The following CCSER1 variants were observed in gnomAD, a reference collection of about 807,000 sequenced individuals.
The protein encoded by CCSER1 is serine-rich coiled-coil domain-containing protein 1.
Under a neutral mutation model 82.0 loss-of-function variants are expected in CCSER1, and 41 were observed. That is an observed-to-expected ratio of 0.50 (90% CI 0.39 to 0.65). The LOEUF is 0.65. Ranked by LOEUF, CCSER1 falls within the 30% of genes least tolerant of loss-of-function variation. The pLI, the probability that CCSER1 is intolerant of heterozygous loss-of-function variation, is 0.00. For missense variants in CCSER1, 1,119 were observed against 1,064.2 expected, an observed-to-expected ratio of 1.05 and a Z score of -0.72; for synonymous variants, 414 against 383.9, an observed-to-expected ratio of 1.08 and a Z score of -0.92.
chr4:90,618,839 T>TA (rs939886349), intron 5 of CCSER1, among the ~76,000 whole-genome samples: 1 of 151,752 alleles, frequency 6.6e-6, no homozygotes, highest in Non-Finnish European at 1.5e-5. Flanking sequence ...GTTTGTGACT[T>TA]AAAAAAAGCC....
rs148904006 is a variant in CCSER1, at chr4:91,524,131, T to C, written c.2218-74441T>C. On this transcript the variant is annotated intron_variant, in intron 10 of 10. Transcript: ENST00000509176. ...TCATCCACTTGGTAATTTGTTTAAA[T>C]TGAGTTTCACCTCAAGGTCATATGT... is the stretch of plus-strand genomic sequence containing the variant. 3.6e-4 allele frequency among the ~76,000 whole-genome samples: 55 copies of C among 152,314 alleles called. No individual in the cohort carries two copies. In the East Asian group the frequency reaches 0.011, roughly 29 times the overall value.
rs113999317 is a variant in CCSER1 at position 91,533,867 on chromosome 4, T to C, written c.2218-64705T>C. Reference sequence around the variant, plus strand: ...TATCATGGTTGTTTTTACTGTAACATTGAAATTTTAAAGGGGTTCTTAGTA... The same window carrying C: ...TATCATGGTTGTTTTTACTGTAACACTGAAATTTTAAAGGGGTTCTTAGTA... On this transcript the variant is annotated intron_variant, in intron 10 of 10. Coordinates refer to ENST00000509176, the MANE Select transcript of CCSER1 (RefSeq NM_001145065.2). 1.8e-3 allele frequency among the ~76,000 whole-genome samples: 268 copies of C among 152,194 alleles called. 3 individuals are homozygous for C. Among genetic ancestry groups the C allele is most frequent in the African/African-American group, 5.9e-3 (246 of 41,566 alleles).
chr4:90,753,465 A>C (rs1749031501), intron 7 of CCSER1, among the ~76,000 whole-genome samples: 1 of 152,146 alleles, frequency 6.6e-6, no homozygotes, highest in Admixed American at 6.6e-5. Flanking sequence ...GAAAAAGAAT[A>C]GAAATTCATA....
intron 10 of CCSER1, among the ~76,000 whole-genome samples, chr4:91,388,254 C>T (rs990343087): frequency 9.2e-5 from 14 of 151,772 alleles, no homozygotes; most frequent in African/African-American, 3.2e-4. Flanking sequence ...GATCAGAGAT[C>T]CCCTTTGTTA....
intron 3 of CCSER1, among the ~76,000 whole-genome samples, chr4:90,376,931 G>A (rs564623666): frequency 6.6e-6 from 1 of 152,248 alleles, no homozygotes; most frequent in South Asian, 2.1e-4. Context: ...CAGCAGGTAT[G>A]GTTACTGCCA....
chr4:90,140,575 A>G (rs1160631923), intron 1 of CCSER1, among the ~76,000 whole-genome samples: 1 of 151,926 alleles, frequency 6.6e-6, no homozygotes, highest in Non-Finnish European at 1.5e-5. Context: ...GTGTACGTAC[A>G]CATGTACACA....
intron 5 of CCSER1, among the ~76,000 whole-genome samples, chr4:90,602,805 CA>C (rs1174335116): frequency 3.9e-5 from 6 of 152,180 alleles, no homozygotes; most frequent in African/African-American, 9.7e-5. Context: ...TGAGAAGGAA[CA>C]AGTGTAATCT....
intron 5 of CCSER1, among the ~76,000 whole-genome samples, chr4:90,527,692 T>C (rs1773967427): frequency 6.6e-6 from 1 of 152,156 alleles, no homozygotes. Flanking sequence ...CCAGAAAGTA[T>C]ATAATTTAAA....
intron 3 of CCSER1, among the ~76,000 whole-genome samples, chr4:90,360,525 G>T (rs1172513816): frequency 2.2e-5 from 3 of 138,530 alleles, no homozygotes; most frequent in African/African-American, 8.3e-5. Context: ...GCAGTGAGCC[G>T]AGATCACGCC....
At chr4:90,273,023 A>AAACAAAC (rs111483344) in intron 1 of CCSER1, among the ~76,000 whole-genome samples, 9 of 109,824 alleles carry the variant, frequency 8.2e-5, no homozygotes, top group African/African-American at 4.0e-4. Context: ...ACAAACAAAC[A>AAACAAAC]AAAAAAAACA....
At chr4:91,486,459 C>T (rs1294688142) in intron 10 of CCSER1, among the ~76,000 whole-genome samples, 2 of 151,926 alleles carry the variant, frequency 1.3e-5, no homozygotes, top group East Asian at 3.9e-4. Context: ...CTAATTACTA[C>T]CAAAATTTAT....
intron 9 of CCSER1, among the ~76,000 whole-genome samples, chr4:90,949,727 C>T (rs1400715993): frequency 6.6e-6 from 1 of 152,018 alleles, no homozygotes; most frequent in African/African-American, 2.4e-5. Flanking sequence ...AACTATTATT[C>T]CTAACCTATG....
intron 9 of CCSER1, among the ~76,000 whole-genome samples, chr4:91,011,123 T>C (rs1353137105): frequency 7.4e-6 from 1 of 134,544 alleles, no homozygotes; most frequent in Non-Finnish European, 1.7e-5. Context: ...AAGAGTGTGG[T>C]GACTCTGGTT....
At chr4:91,578,152 A>G (rs1406147866) in intron 10 of CCSER1, among the ~76,000 whole-genome samples, 1 of 151,954 alleles carries the variant, frequency 6.6e-6, no homozygotes. Flanking sequence ...TTGCTTTGCC[A>G]TGGTAATAAA....
intron 10 of CCSER1, among the ~76,000 whole-genome samples, chr4:91,149,952 G>T (rs1399705088): frequency 2.0e-5 from 3 of 152,112 alleles, no homozygotes; most frequent in African/African-American, 7.2e-5. Flanking sequence ...GGATTGTCTT[G>T]GCAATGCAGG....
chr4:90,294,845 A>G (rs907277355), intron 1 of CCSER1, among the ~76,000 whole-genome samples: 3 of 152,030 alleles, frequency 2.0e-5, no homozygotes, highest in African/African-American at 7.2e-5. Context: ...ACATCCTTCA[A>G]GATTTTTTTC....
intron 10 of CCSER1, among the ~76,000 whole-genome samples, chr4:91,454,357 A>G (rs563793761): frequency 2.0e-5 from 3 of 152,028 alleles, no homozygotes; most frequent in African/African-American, 7.2e-5. Context: ...CCCTTCCCCC[A>G]TCTTTAAAGC....
intron 10 of CCSER1, among the ~76,000 whole-genome samples, chr4:91,383,135 G>A (rs1367073504): frequency 6.6e-6 from 1 of 152,012 alleles, no homozygotes; most frequent in East Asian, 1.9e-4. Flanking sequence ...AAAATTGTGT[G>A]ATTCAGTTTA....
intron 1 of CCSER1, among the ~76,000 whole-genome samples, chr4:90,174,382 A>G (rs1578327352): frequency 1.3e-5 from 2 of 152,142 alleles, no homozygotes; most frequent in Admixed American, 1.3e-4. Context: ...AACAAAATAT[A>G]TAAAGCTCTA....
Sources: allele counts gnomAD v4.1 joint callset (sites outside exome capture counted in the v4.1 genomes callset), GRCh38; gene constraint gnomAD v4.1.1; transcripts MANE v1.5; gene names NCBI Gene and HGNC (gene_info 2026-07-23, HGNC 2026-07-21).